Variants in PAQR5 observed in about 807,000 individuals in gnomAD.
PAQR5 encodes membrane progestin receptor gamma.
A neutral mutation model predicts 34.5 loss-of-function variants in PAQR5; 20 were observed. The ratio of observed to expected loss-of-function variants is 0.58; its 90% CI spans 0.41 to 0.84. The LOEUF (loss-of-function observed/expected upper bound fraction) is 0.84. PAQR5 is among the 40% of genes least tolerant of loss of function. The pLI is 0.00. For missense variants in PAQR5, 378 were observed against 412.7 expected (o/e 0.92, Z 0.73); for synonymous variants, 131 against 155.6 (o/e 0.84, Z 1.18).
At chr15:69,394,177 C>T (rs1232368930) in intron 6 of PAQR5, among the ~76,000 whole-genome samples, 3 of 148,028 alleles carry the variant, frequency 2.0e-5, no homozygotes, top group Admixed American at 1.4e-4. Flanking sequence ...GCAGTGAGGG[C>T]GAGAGATTAA....
Position 69,348,566 on chromosome 15 carries a change from G to A in PAQR5, c.-116+11065G>A, listed in dbSNP as rs113298783. On this transcript the variant is annotated intron_variant, in intron 2 of 8. Coordinates refer to ENST00000395407, the MANE Select transcript of PAQR5 (RefSeq NM_017705.4). ...AGAGATTCCCTGCTTCTCAGGGTTT[G>A]CATGTGTTAGTTGGGTACTGTGAGG... 5.3e-3 allele frequency among the ~76,000 whole-genome samples: 813 copies of A among 152,306 alleles called. 3 individuals carry two copies. Among genetic ancestry groups the A allele is most frequent in the Non-Finnish European group, 8.9e-3 (602 of 68,020 alleles).
chr15:69,401,778 T>C (rs572577965), intron 8 of PAQR5, among the ~76,000 whole-genome samples: 19 of 152,354 alleles, frequency 1.2e-4, no homozygotes, highest in Non-Finnish European at 2.6e-4. Flanking sequence ...AATCCCTCTC[T>C]GCTCCTGCTC....
chr15:69,404,098 TGTG>T lies in PAQR5; in HGVS notation c.*279_*281del, dbSNP rs2056715194. On this transcript the variant is annotated 3_prime_UTR_variant, in exon 9 of 9. Coordinates refer to ENST00000395407, the MANE Select transcript of PAQR5 (RefSeq NM_017705.4). ...TCATTAATTTTAAATTTACTTAAAA[TGTG>T]GTTTTAAATTCTATTTAAACATTTG... 8.4e-6 allele frequency: 3 copies of T among 358,962 alleles called. No homozygotes were observed. Among genetic ancestry groups the T allele is most frequent in the Non-Finnish European group, 1.5e-5 (3 of 197,326 alleles). The allele number at this position is 358,962 out of a possible 1,614,324, so 22.2% of individuals were successfully genotyped here.
chr15:69,338,166 G>T (rs1441243209), intron 2 of PAQR5, among the ~76,000 whole-genome samples: 4 of 152,168 alleles, frequency 2.6e-5, no homozygotes, highest in Non-Finnish European at 2.9e-5. Context: ...TACCCAGACG[G>T]ATGCATGTCT....
At chr15:69,351,461 C>G (rs74020641) in intron 2 of PAQR5, among the ~76,000 whole-genome samples, 3,349 of 152,302 alleles carry the variant, frequency 0.022, 130 homozygotes, top group African/African-American at 0.076. Context: ...GGTATGCTGC[C>G]ACGGATCAGG....
rs55878437 is a variant in PAQR5, at chr15:69,339,170, A to AC, written c.-116+1675dup. On this transcript the variant is annotated intron_variant, in intron 2 of 8. Transcript: ENST00000395407. ...TCACCACTCCTGGCCCACTGGCTACACCCCCCACCCCGCCACCAAGTTATC... is the reference window on the plus strand; with the variant it reads ...TCACCACTCCTGGCCCACTGGCTACACCCCCCCACCCCGCCACCAAGTTATC... Among the ~76,000 whole-genome samples, 18 of 137,140 alleles carry AC rather than the reference A, an allele frequency of 1.3e-4. 1 individual carries two copies. The highest frequency in any genetic ancestry group is 2.2e-4 in the Admixed American group (3 of 13,532). The allele number at this position is 137,140 out of a possible 152,430, so 90.0% of individuals were successfully genotyped here.
At chr15:69,303,626 C>T (rs1174968845) in intron 1 of PAQR5, among the ~76,000 whole-genome samples, 1 of 151,368 alleles carries the variant, frequency 6.6e-6, no homozygotes, top group Non-Finnish European at 1.5e-5. Flanking sequence ...TTCTCCAGTG[C>T]ACTGGAGAAC....
At chr15:69,377,259 C>T (rs1005285007) in intron 3 of PAQR5, among the ~76,000 whole-genome samples, 1 of 151,968 alleles carries the variant, frequency 6.6e-6, no homozygotes, top group Non-Finnish European at 1.5e-5. Flanking sequence ...CTCCTGGGAG[C>T]TGTTATTTCT....
At chr15:69,359,159 G>A (rs922372878) in intron 2 of PAQR5, among the ~76,000 whole-genome samples, 2 of 152,048 alleles carry the variant, frequency 1.3e-5, no homozygotes, top group African/African-American at 2.4e-5. Context: ...TCTTTTCTAT[G>A]AGCACTAATC....
chr15:69,300,700 CTCTCTTTCTTTCTT>C (rs1402959390), intron 1 of PAQR5, among the ~76,000 whole-genome samples: 67 of 6,394 alleles, frequency 0.01, 23 homozygotes, highest in South Asian at 0.057. Context: ...CCCTCTCTCT[CTCTCTTTCTTTCTT>C]TCTTTCTTTC....
At chr15:69,350,110 C>T (rs558764878) in intron 2 of PAQR5, among the ~76,000 whole-genome samples, 1 of 152,350 alleles carries the variant, frequency 6.6e-6, no homozygotes, top group South Asian at 2.1e-4. Flanking sequence ...AAGTTAAATG[C>T]AGTGGGAATA....
chr15:69,363,701 C>T (rs866371902), intron 3 of PAQR5, among the ~76,000 whole-genome samples: 19 of 151,880 alleles, frequency 1.3e-4, no homozygotes, highest in Admixed American at 3.3e-4. Flanking sequence ...TACAGGTGCA[C>T]GCCACCATGC....
At chr15:69,300,856 T>C (rs189724177) in intron 1 of PAQR5, among the ~76,000 whole-genome samples, 188 of 12,236 alleles carry the variant, frequency 0.015, 29 homozygotes, top group African/African-American at 0.041. Context: ...TTTCTTTCTT[T>C]CTTTCTTTCT....
intron 1 of PAQR5, among the ~76,000 whole-genome samples, chr15:69,304,733 G>A (rs1279352784): frequency 4.6e-5 from 7 of 152,130 alleles, no homozygotes; most frequent in South Asian, 2.1e-4. Flanking sequence ...ACACACCACA[G>A]CCCCTTCAGA....
chr15:69,373,500 C>CT (rs1372869604), intron 3 of PAQR5, among the ~76,000 whole-genome samples: 3 of 152,190 alleles, frequency 2.0e-5, no homozygotes, highest in Non-Finnish European at 4.4e-5. Flanking sequence ...CGGAATTGCT[C>CT]TGTTATTTCA....
intron 1 of PAQR5, among the ~76,000 whole-genome samples, chr15:69,313,172 T>A (rs2053868660): frequency 6.6e-6 from 1 of 152,184 alleles, no homozygotes; most frequent in Non-Finnish European, 1.5e-5. Flanking sequence ...CTCCCTGATA[T>A]GCCCTATAGT....
chr15:69,313,408 A>G (rs2053872665), intron 1 of PAQR5, among the ~76,000 whole-genome samples: 1 of 152,120 alleles, frequency 6.6e-6, no homozygotes, highest in African/African-American at 2.4e-5. Context: ...GCTGAGGTGG[A>G]AGGATCACTT....
chr15:69,299,767 A>G (rs2053486435), intron 1 of PAQR5, among the ~76,000 whole-genome samples: 1 of 152,192 alleles, frequency 6.6e-6, no homozygotes. Flanking sequence ...CCGTGAGCAG[A>G]ACCGGCTTCC....
intron 6 of PAQR5, chr15:69,396,973 G>A (rs565514142): frequency 9.2e-5 from 32 of 348,922 alleles, no homozygotes; most frequent in Non-Finnish European, 1.8e-4. Context: ...ATTCCAGAAA[G>A]CTCTCCAAGG....
Sources: allele counts gnomAD v4.1 joint callset (sites outside exome capture counted in the v4.1 genomes callset), GRCh38; gene constraint gnomAD v4.1.1; transcripts MANE v1.5; gene names NCBI Gene and HGNC (gene_info 2026-07-23, HGNC 2026-07-21).